Variants in GALNT14 observed in about 807,000 individuals in gnomAD.
GALNT14 encodes polypeptide N-acetylgalactosaminyltransferase 14.
GALNT14 carries 60 observed loss-of-function variants against 77.5 expected under a neutral mutation model. The observed-to-expected ratio is 0.77, with a 90% confidence interval of 0.63 to 0.96. The LOEUF (loss-of-function observed/expected upper bound fraction) is 0.96. Ranked by LOEUF, GALNT14 falls within the 40% of genes least tolerant of loss-of-function variation. The probability of loss-of-function intolerance (pLI) is 0.00; values close to 1 mark genes in which losing one functional copy is unlikely to be tolerated. For synonymous variants in GALNT14, 280 were observed against 281.7 expected (o/e 0.99, Z 0.06); for missense variants, 710 against 731.0 (o/e 0.97, Z 0.33).
chr2:30,932,291 G>A lies in GALNT14; in HGVS notation c.932-97C>T, dbSNP rs1035340752. On this transcript the variant is annotated intron_variant, in intron 9 of 14. Transcript: ENST00000349752. ...GAAACGGTGAGGCCCCCGCAGAGGC[G>A]AAAGAACAGACTCTGCAGCCAGTCT... The A allele has an allele frequency of 1.4e-4, 171 of 1,187,818 alleles. No individual in the cohort carries two copies. The African/African-American group carries it at 2.1e-3, about 15-fold the overall frequency. 73.6% of individuals were successfully genotyped at this position (1,187,818 alleles called of 1,614,324 possible).
chr2:31,136,601 T>C (rs1160904531), intron 1 of GALNT14, among the ~76,000 whole-genome samples: 1 of 152,130 alleles, frequency 6.6e-6, no homozygotes, highest in Admixed American at 6.5e-5. Flanking sequence ...GAGCACACAA[T>C]AGGTGCTAAA....
chr2:31,060,782 A>T (rs1412844943), intron 1 of GALNT14, among the ~76,000 whole-genome samples: 2 of 152,186 alleles, frequency 1.3e-5, no homozygotes, highest in Non-Finnish European at 2.9e-5. Context: ...GAAGACAGCC[A>T]ATTCTGCAGA....
chr2:30,985,502 G>A (rs1459186058), intron 2 of GALNT14, among the ~76,000 whole-genome samples: 1 of 152,180 alleles, frequency 6.6e-6, no homozygotes, highest in Non-Finnish European at 1.5e-5. Context: ...GACAGGGCAG[G>A]AGCCCCTGTG....
intron 1 of GALNT14, among the ~76,000 whole-genome samples, chr2:31,058,492 A>C (rs1484748524): frequency 1.3e-5 from 2 of 152,128 alleles, no homozygotes; most frequent in African/African-American, 4.8e-5. Flanking sequence ...AGAATCATCT[A>C]GGGAAGGTCT....
intron 2 of GALNT14, among the ~76,000 whole-genome samples, chr2:30,980,589 T>C (rs1668925994): frequency 6.6e-6 from 1 of 152,202 alleles, no homozygotes; most frequent in Admixed American, 6.5e-5. Context: ...AACTCACCCA[T>C]GGTCCAGCTA....
At chr2:30,895,023 G>A in the GALNT14 span, among the ~76,000 whole-genome samples, 2 of 152,232 alleles carry the variant, frequency 1.3e-5, no homozygotes, top group African/African-American at 4.8e-5. Context: ...TGACCCCACA[G>A]AAAGAGTTCT....
At chr2:31,090,244 CCTA>C (rs1427022726) in intron 1 of GALNT14, among the ~76,000 whole-genome samples, 1 of 152,166 alleles carries the variant, frequency 6.6e-6, no homozygotes, top group Admixed American at 6.5e-5. Context: ...CCCAGACCAC[CCTA>C]CTCTCACCTT....
chr2:30,987,582 T>G (rs1208137952), intron 2 of GALNT14, among the ~76,000 whole-genome samples: 1 of 152,216 alleles, frequency 6.6e-6, no homozygotes, highest in Non-Finnish European at 1.5e-5. Flanking sequence ...CCCAGGCCTC[T>G]CTGGGCTTCT....
chr2:30,939,881 C>G (rs1458734769), intron 9 of GALNT14, among the ~76,000 whole-genome samples: 4 of 152,066 alleles, frequency 2.6e-5, no homozygotes, highest in Non-Finnish European at 5.9e-5. Context: ...CGGGGACCCT[C>G]TTTCAAATTC....
intron 1 of GALNT14, among the ~76,000 whole-genome samples, chr2:31,039,945 CCTTT>C (rs1673001847): frequency 6.6e-6 from 1 of 152,078 alleles, no homozygotes; most frequent in Non-Finnish European, 1.5e-5. Flanking sequence ...ATTGTTTCTC[CCTTT>C]CTAATAAGAG....
chr2:31,102,043 G>C (rs1321276565), intron 1 of GALNT14, among the ~76,000 whole-genome samples: 3 of 152,208 alleles, frequency 2.0e-5, no homozygotes, highest in African/African-American at 7.2e-5. Context: ...TGAACTGTGA[G>C]TCAATTAAAC....
At chr2:30,970,835 A>ACCCCTTGTCTCAGGTGACCCTCACAACC (rs1668305837) in intron 2 of GALNT14, among the ~76,000 whole-genome samples, 1 of 152,146 alleles carries the variant, frequency 6.6e-6, no homozygotes, top group Non-Finnish European at 1.5e-5. Context: ...CCCTGCTCAC[A>ACCCCTTGTCTCAGGTGACCCTCACAACC]GCTCAGGAGC....
intron 1 of GALNT14, among the ~76,000 whole-genome samples, chr2:31,120,500 C>T (rs531436787): frequency 6.6e-6 from 1 of 152,270 alleles, no homozygotes; most frequent in Non-Finnish European, 1.5e-5. Context: ...TTTTGATTTT[C>T]TCTCTACAAC....
chr2:31,009,265 A>G (rs1013012445), intron 1 of GALNT14, among the ~76,000 whole-genome samples: 26 of 152,152 alleles, frequency 1.7e-4, no homozygotes, highest in Non-Finnish European at 2.2e-4. Flanking sequence ...ACAATTTGGC[A>G]CATTCATCTT....
intron 1 of GALNT14, chr2:31,078,855 A>G: frequency 2.5e-6 from 3 of 1,212,316 alleles, no homozygotes; most frequent in Non-Finnish European, 3.3e-6. Context: ...ACCCAGGCAC[A>G]GGAGAGCAGG....
intron 1 of GALNT14, among the ~76,000 whole-genome samples, chr2:30,995,390 T>C (rs1295593674): frequency 6.6e-6 from 1 of 152,164 alleles, no homozygotes; most frequent in Admixed American, 6.5e-5. Context: ...TATTATAGCC[T>C]AGGAGCAACA....
chr2:31,076,629 A>ATATATATATATATATATATT (rs1553373502), intron 1 of GALNT14, among the ~76,000 whole-genome samples: 14 of 101,914 alleles, frequency 1.4e-4, no homozygotes, highest in African/African-American at 4.0e-4. Flanking sequence ...ATATATATAT[A>ATATATATATATATATATATT]TTTTTTTTTT....
At chr2:30,946,108 C>T (rs569380969) in intron 6 of GALNT14, among the ~76,000 whole-genome samples, 10 of 152,228 alleles carry the variant, frequency 6.6e-5, no homozygotes, top group African/African-American at 1.4e-4. Context: ...ACCTCCCTGC[C>T]GCAGTGGCCA....
chr2:31,079,345 G>C, intron 1 of GALNT14, among the ~76,000 whole-genome samples: 1 of 152,176 alleles, frequency 6.6e-6, no homozygotes, highest in East Asian at 1.9e-4. Flanking sequence ...GCACCTGAAT[G>C]TGTGTTCAGA....
Sources: gnomAD v4.1 joint callset for allele counts (sites outside exome capture counted in the v4.1 genomes callset) on GRCh38, gnomAD v4.1.1 for gene constraint, MANE v1.5 for transcripts, NCBI Gene and HGNC (gene_info 2026-07-23, HGNC 2026-07-21) for gene names.